The following FAH variants were observed in gnomAD, a reference collection of about 807,000 sequenced individuals.
The protein encoded by FAH is fumarylacetoacetase.
FAH carries 47 observed loss-of-function variants against 55.8 expected under a neutral mutation model. The ratio of observed to expected loss-of-function variants is 0.84; its 90% CI spans 0.67 to 1.07. FAH has a LOEUF of 1.07. FAH is among the 50% of genes least tolerant of loss of function. The pLI is 0.00. For missense variants in FAH, 495 were observed against 545.9 expected (o/e 0.91, Z 0.93); for synonymous variants, 199 against 207.7 (o/e 0.96, Z 0.36).
At chr15:80,175,197 A>T in intron 10 of FAH, 106 bp downstream of exon 10, 1 of 989,658 alleles carries the variant, frequency 1.0e-6, no homozygotes, top group South Asian at 1.3e-5. Flanking sequence ...GGCACGTGCT[A>T]CAGCCCTGGA....
intron 5 of FAH, among the ~76,000 whole-genome samples, chr15:80,165,687 T>C: frequency 6.6e-6 from 1 of 151,002 alleles, no homozygotes; most frequent in African/African-American, 2.4e-5. Context: ...AGAGCGAGAC[T>C]CTGTCTCAAA....
intron 2 of FAH, among the ~76,000 whole-genome samples, 171 bp downstream of exon 2, chr15:80,158,341 G>T (rs1006665730): frequency 4.6e-5 from 7 of 152,220 alleles, no homozygotes; most frequent in Non-Finnish European, 8.8e-5. Context: ...CTGGTAGGAG[G>T]TGGCCTTGGG....
chr15:80,186,552 C>A (rs1175497423), downstream of FAH: 3 of 385,162 alleles, frequency 7.8e-6, no homozygotes, highest in African/African-American at 6.2e-5. Context: ...GTAGTCAGGG[C>A]TCTCCAGAGA....
Position 80,186,307 on chromosome 15 carries a change from G to A in FAH, c.*98G>A, listed in dbSNP as rs2041371199. On this transcript the variant is annotated 3_prime_UTR_variant, in exon 14 of 14. Transcript: ENST00000561421. The stretch of plus-strand genomic sequence containing the variant: ...GGCTGTAGGCCTGGTCCGCCATTCA[G>A]TGACAAATAAAGCCATTGTGCTCTG... The A allele has an allele frequency of 2.1e-6, 2 of 949,218 alleles. No individual in the cohort carries two copies. The highest frequency in any genetic ancestry group is 3.4e-6 in the Non-Finnish European group (2 of 582,598). 58.8% of individuals were successfully genotyped at this position (949,218 alleles called of 1,614,324 possible).
At chr15:80,166,737 C>T (rs368387268) in intron 5 of FAH, among the ~76,000 whole-genome samples, 4 of 149,524 alleles carry the variant, frequency 2.7e-5, no homozygotes, top group South Asian at 4.3e-4. Context: ...CCCAGGTTCA[C>T]GCCATTCTCC....
At chr15:80,184,233 A>G (rs12594576) in intron 13 of FAH, among the ~76,000 whole-genome samples, 10,264 of 152,012 alleles carry the variant, frequency 0.068, 413 homozygotes, top group East Asian at 0.087. Context: ...GATAGTTATG[A>G]TTTGTTGTGG....
intron 1 of FAH, 31 bp downstream of exon 1, chr15:80,153,166 GGGGA>G (rs1465203494): frequency 2.0e-6 from 3 of 1,490,018 alleles, no homozygotes; most frequent in African/African-American, 2.0e-5. Flanking sequence ...GTCCGGGCGC[GGGGA>G]GGGAGTGGAG....
At chr15:80,166,635 C>CTTTTTTTTT (rs768001652) in intron 5 of FAH, among the ~76,000 whole-genome samples, 2 of 118,338 alleles carry the variant, frequency 1.7e-5, no homozygotes, top group Non-Finnish European at 1.7e-5. Flanking sequence ...TTTGCATTTT[C>CTTTTTTTTT]TTTTTTTTTT....
At chr15:80,162,460 G>A (rs2041157612) in intron 5 of FAH, 124 bp downstream of exon 5, 1 of 837,898 alleles carries the variant, frequency 1.2e-6, no homozygotes, top group African/African-American at 1.7e-5. Context: ...CAGTTATGAT[G>A]TTGCAACCTC....
chr15:80,161,127 G>A (rs552643603), intron 4 of FAH, among the ~76,000 whole-genome samples: 4 of 152,302 alleles, frequency 2.6e-5, no homozygotes, highest in East Asian at 1.9e-4. Context: ...GACAGGGGCC[G>A]AGTCACCTGC....
At position 80,173,583 on chromosome 15, in the gene FAH, C is replaced by G. The variant is rs931864431; in HGVS notation, c.837+439C>G. On this transcript the variant is annotated intron_variant, in intron 9 of 13. Transcript: ENST00000561421. The stretch of plus-strand genomic sequence containing the variant: ...CCCTGCAGCCTCTGGTTCCCGGCAC[C>G]GCTTGGTCTACCACTGGGTCTAGGC... 2.3e-5 allele frequency: 8 copies of G among 341,506 alleles called. No homozygotes were observed. The Admixed American group carries it at 2.8e-4, about 12-fold the overall frequency. 21.2% of individuals were successfully genotyped at this position (341,506 alleles called of 1,614,324 possible).
At chr15:80,155,099 G>A (rs893101782) in intron 1 of FAH, among the ~76,000 whole-genome samples, 3 of 152,098 alleles carry the variant, frequency 2.0e-5, no homozygotes, top group African/African-American at 7.2e-5. Flanking sequence ...CTATATGCTT[G>A]GCCCCTTCTC....
chr15:80,171,339 T>C (rs2041238752), intron 7 of FAH, among the ~76,000 whole-genome samples: 1 of 101,134 alleles, frequency 9.9e-6, no homozygotes, highest in East Asian at 2.8e-4. Context: ...TTCATGTCCT[T>C]TGTAGGGACA....
At chr15:80,170,519 T>C (rs1345611351) in intron 7 of FAH, among the ~76,000 whole-genome samples, 3 of 152,236 alleles carry the variant, frequency 2.0e-5, no homozygotes, top group Non-Finnish European at 4.4e-5. Flanking sequence ...GCCAGCCCTC[T>C]GCCTCCTCCT....
chr15:80,162,384 A>G (rs1166169622), intron 5 of FAH, 48 bp downstream of exon 5: 2 of 1,509,558 alleles, frequency 1.3e-6, no homozygotes, highest in South Asian at 1.1e-5. Context: ...CTTTCTTTTC[A>G]TTTCCAGCAG....
At chr15:80,162,513 C>T (rs1332485450) in intron 5 of FAH, 177 bp downstream of exon 5, 9 of 679,810 alleles carry the variant, frequency 1.3e-5, no homozygotes, top group Admixed American at 1.3e-4. Context: ...CTCAGCTTGG[C>T]TTAGGACTTG....
At chr15:80,174,543 G>A (rs1188548954) in intron 9 of FAH, among the ~76,000 whole-genome samples, 4 of 152,340 alleles carry the variant, frequency 2.6e-5, no homozygotes, top group Admixed American at 2.6e-4. Flanking sequence ...TTTGGCCGGA[G>A]TGCAGGCGTT....
At chr15:80,156,727 C>T (rs959988670) in intron 1 of FAH, 3 of 152,182 alleles carry the variant, frequency 2.0e-5, no homozygotes, top group Admixed American at 1.3e-4. Context: ...CTGGATCTGA[C>T]CTGTGAGCCC....
chr15:80,183,489 C>T (rs113068118), intron 13 of FAH, among the ~76,000 whole-genome samples: 14 of 152,318 alleles, frequency 9.2e-5, no homozygotes, highest in African/African-American at 2.6e-4. Flanking sequence ...TCACCTTCTA[C>T]GACTTCACTG....
Sources: allele counts gnomAD v4.1 joint callset (sites outside exome capture counted in the v4.1 genomes callset), GRCh38; gene constraint gnomAD v4.1.1; transcripts MANE v1.5; gene names NCBI Gene and HGNC (gene_info 2026-07-23, HGNC 2026-07-21).